Variants in RBFOX3 observed in about 807,000 individuals in gnomAD.
RBFOX3 encodes RNA binding fox-1 homolog 3, also known as RNA binding protein fox-1 homolog 3.
Under a neutral mutation model 48.7 loss-of-function variants are expected in RBFOX3, and 17 were observed. That is an observed-to-expected ratio of 0.35 (90% confidence interval 0.24 to 0.52). The LOEUF (loss-of-function observed/expected upper bound fraction) is 0.52, where lower values mean the gene tolerates loss of function less well. RBFOX3 is among the 20% of genes least tolerant of loss of function. The pLI, the probability that RBFOX3 is intolerant of heterozygous loss-of-function variation, is 0.94. For missense variants in RBFOX3, 382 were observed against 497.5 expected (o/e 0.77, Z 2.21); for synonymous variants, 212 against 209.5 (o/e 1.01, Z -0.10).
At chr17:79,194,892 C>A (rs551851918) in intron 4 of RBFOX3, among the ~76,000 whole-genome samples, 2 of 142,330 alleles carry the variant, frequency 1.4e-5, no homozygotes, top group African/African-American at 5.2e-5. Context: ...TTACATAAAG[C>A]GTATAATTGA....
At chr17:79,166,235 G>T (rs1410507118) in intron 4 of RBFOX3, among the ~76,000 whole-genome samples, 1 of 146,594 alleles carries the variant, frequency 6.8e-6, no homozygotes, top group African/African-American at 2.5e-5. Flanking sequence ...TGTGGGAGGG[G>T]CTCCTTTCCC....
intron 4 of RBFOX3, among the ~76,000 whole-genome samples, chr17:79,144,279 G>T (rs1049205413): frequency 6.6e-6 from 1 of 152,344 alleles, no homozygotes; most frequent in Non-Finnish European, 1.5e-5. Context: ...GAATTGTCCC[G>T]CTCTACCCCC....
At chr17:79,466,280 CA>C (rs1335289530) in intron 2 of RBFOX3, among the ~76,000 whole-genome samples, 2 of 152,224 alleles carry the variant, frequency 1.3e-5, no homozygotes, top group African/African-American at 4.8e-5. Flanking sequence ...TTGAGCATCA[CA>C]AAGCCACAGG....
intron 2 of RBFOX3, among the ~76,000 whole-genome samples, chr17:79,465,977 C>T (rs958061871): frequency 2.6e-5 from 4 of 152,234 alleles, no homozygotes; most frequent in Non-Finnish European, 5.9e-5. Flanking sequence ...CCCCACGGCC[C>T]CCAGGAACAA....
At chr17:79,614,523 G>A (rs1289080412), upstream of RBFOX3, among the ~76,000 whole-genome samples, 3 of 152,176 alleles carry the variant, frequency 2.0e-5, no homozygotes, top group Non-Finnish European at 2.9e-5. Context: ...AGACACCTGC[G>A]GAAAGCCTTC....
chr17:79,134,296 A>C (rs2039665174), intron 4 of RBFOX3, among the ~76,000 whole-genome samples: 1 of 152,168 alleles, frequency 6.6e-6, no homozygotes. Flanking sequence ...CCAAACACCC[A>C]CCTGGTGGAA....
At chr17:79,273,028 G>A (rs2068020600) in intron 3 of RBFOX3, among the ~76,000 whole-genome samples, 1 of 152,148 alleles carries the variant, frequency 6.6e-6, no homozygotes, top group South Asian at 2.1e-4. Flanking sequence ...GCCATGCTGG[G>A]GCTCTGCCTC....
chr17:79,186,106 G>A (rs1406249234), intron 4 of RBFOX3, among the ~76,000 whole-genome samples: 2 of 152,154 alleles, frequency 1.3e-5, no homozygotes, highest in Non-Finnish European at 2.9e-5. Context: ...CCTGCATCTG[G>A]TCACCTGTGT....
At chr17:79,169,601 G>A (rs2048724920) in intron 4 of RBFOX3, among the ~76,000 whole-genome samples, 2 of 152,218 alleles carry the variant, frequency 1.3e-5, no homozygotes, top group Admixed American at 6.5e-5. Flanking sequence ...AACAGGAGGC[G>A]GCACCGAGGG....
At chr17:79,610,136 C>A (rs1256843817) in intron 1 of RBFOX3, among the ~76,000 whole-genome samples, 2 of 152,058 alleles carry the variant, frequency 1.3e-5, no homozygotes, top group Non-Finnish European at 2.9e-5. Context: ...GCTGCTCGGC[C>A]CCCGCGCACA....
In RBFOX3 at chr17:79,471,830, G is replaced by A. The variant is rs1192602959; in HGVS notation, c.-175+10624C>T. On this transcript the variant is annotated intron_variant, in intron 2 of 14. Coordinates refer to ENST00000693108, the MANE Select transcript of RBFOX3 (RefSeq NM_001350451.2). The surrounding 1 kb of genome is among the most constrained non-coding windows in gnomAD (Gnocchi z 4.0). ...ACACCTAGCGCCCCGTGTGTGACCC[G>A]GGATCCCACCGTTCTCCAGGGTCGA... Among the ~76,000 whole-genome samples the A allele has an allele frequency of 1.3e-5, 2 of 152,100 alleles. No individual in the cohort carries two copies. Among genetic ancestry groups the A allele is most frequent in the Admixed American group, 6.5e-5 (1 of 15,274 alleles).
intron 2 of RBFOX3, among the ~76,000 whole-genome samples, chr17:79,378,619 T>C (rs958846108): frequency 6.6e-6 from 1 of 152,028 alleles, no homozygotes; most frequent in South Asian, 2.1e-4. Flanking sequence ...TGGGGCTGTG[T>C]GGGGGGCCCG....
chr17:79,103,372 A>C lies in RBFOX3; in HGVS notation c.415-118T>G. 1 of 718,566 alleles carries C rather than the reference A, an allele frequency of 1.4e-6. No homozygotes were observed. Among genetic ancestry groups the C allele is most frequent in the Non-Finnish European group, 2.4e-6 (1 of 412,182 alleles). The allele number at this position is 718,566 out of a possible 1,614,324, so 44.5% of individuals were successfully genotyped here. Reference sequence around the variant, plus strand: ...GGCAGGGGAGTGGGGAGAGAGAGAGAAGGGGTTGAGTCAGGTGAGTTGAGG... The same window carrying C: ...GGCAGGGGAGTGGGGAGAGAGAGAGCAGGGGTTGAGTCAGGTGAGTTGAGG... On this transcript the variant is annotated intron_variant, in intron 7 of 14. Transcript: ENST00000693108. This position sits in a 1 kb window ranked among gnomAD's most constrained non-coding sequence, Gnocchi z 6.1.
At chr17:79,597,484 GC>G (rs2093598429) in intron 1 of RBFOX3, among the ~76,000 whole-genome samples, 1 of 152,220 alleles carries the variant, frequency 6.6e-6, no homozygotes, top group Non-Finnish European at 1.5e-5. Context: ...CCTGTGTGTG[GC>G]CTTGTGGCCC....
intron 3 of RBFOX3, among the ~76,000 whole-genome samples, chr17:79,280,841 T>TGGGG (rs34734841): frequency 8.2e-4 from 83 of 101,498 alleles, no homozygotes; most frequent in African/African-American, 8.7e-4. Context: ...TGTCCCATTG[T>TGGGG]GGGGGGGGGG....
At chr17:79,301,482 G>T (rs12943410) in intron 3 of RBFOX3, among the ~76,000 whole-genome samples, 16,842 of 152,210 alleles carry the variant, frequency 0.11, 1,065 homozygotes, top group Middle Eastern at 0.21. Flanking sequence ...GCTCAGAGTC[G>T]CCCTGACAAG....
chr17:79,349,790 A>G (rs758067338), intron 2 of RBFOX3, among the ~76,000 whole-genome samples: 5 of 151,362 alleles, frequency 3.3e-5, no homozygotes, highest in Non-Finnish European at 7.4e-5. Context: ...GTGGATCCCC[A>G]GCAGGGCCTT....
chr17:79,190,238 C>T (rs969325667), intron 4 of RBFOX3, among the ~76,000 whole-genome samples: 3 of 152,130 alleles, frequency 2.0e-5, no homozygotes, highest in African/African-American at 4.8e-5. Context: ...ATGGTGAAAC[C>T]CCATCTCTAC....
intron 4 of RBFOX3, among the ~76,000 whole-genome samples, chr17:79,173,812 T>C (rs941083333): frequency 4.0e-5 from 6 of 151,256 alleles, no homozygotes; most frequent in African/African-American, 1.5e-4. Context: ...ATTTTTTACA[T>C]CATCCACCTA....
Sources: gnomAD v4.1 joint callset for allele counts (sites outside exome capture counted in the v4.1 genomes callset) on GRCh38, gnomAD v4.1.1 for gene constraint, Gnocchi (gnomAD v3.1) non-coding constraint, MANE v1.5 for transcripts, NCBI Gene and HGNC (gene_info 2026-07-23, HGNC 2026-07-21) for gene names.